Variants in ZXDC observed in about 807,000 individuals in gnomAD.
ZXDC encodes the protein ZXD family zinc finger C, also known as zinc finger protein ZXDC.
Under a neutral mutation model 63.6 loss-of-function variants are expected in ZXDC, and 58 were observed. That is an observed-to-expected ratio of 0.91 (90% confidence interval 0.74 to 1.13). ZXDC has a LOEUF of 1.13. ZXDC is among the 50% of genes most tolerant of loss of function. The probability of loss-of-function intolerance (pLI) is 0.00; values close to 1 mark genes in which losing one functional copy is unlikely to be tolerated. For synonymous variants in ZXDC, 561 were observed against 496.1 expected, an observed-to-expected ratio of 1.13 and a Z score of -1.74; for missense variants, 1,133 against 1,148.9, an observed-to-expected ratio of 0.99 and a Z score of 0.20.
intron 7 of ZXDC, among the ~76,000 whole-genome samples, chr3:126,456,768 ACCCCCAAG>A (rs763201827): frequency 3.9e-5 from 6 of 152,056 alleles, no homozygotes; most frequent in Non-Finnish European, 8.8e-5. Flanking sequence ...GGTCTTAGGG[ACCCCCAAG>A]CCCCACATAC....
intron 7 of ZXDC, chr3:126,454,930 G>A: frequency 2.0e-6 from 2 of 985,378 alleles, no homozygotes; most frequent in Non-Finnish European, 2.4e-6. Context: ...CAACACAATG[G>A]GAAGAGTCTT....
chr3:126,457,479 C>T (rs1012716826), intron 7 of ZXDC: 2 of 985,312 alleles, frequency 2.0e-6, no homozygotes, highest in African/African-American at 3.5e-5. Context: ...CTGACAGCAG[C>T]CTCACCCTCA....
intron 4 of ZXDC, among the ~76,000 whole-genome samples, chr3:126,467,698 C>T (rs369269655): frequency 6.6e-6 from 1 of 152,200 alleles, no homozygotes; most frequent in African/African-American, 2.4e-5. Flanking sequence ...GACAGTCCGA[C>T]GGCCCAGGAC....
At chr3:126,452,543 A>T in intron 7 of ZXDC, 1 of 985,440 alleles carries the variant, frequency 1.0e-6, no homozygotes, top group Non-Finnish European at 1.2e-6. Context: ...ATTTGTTGAG[A>T]GAATAATAAA....
chr3:126,447,899 G>A (rs1357770289), intron 7 of ZXDC, among the ~76,000 whole-genome samples: 5 of 152,196 alleles, frequency 3.3e-5, no homozygotes, highest in African/African-American at 4.8e-5. Flanking sequence ...TCACCTGCTG[G>A]AGGTGAGACA....
chr3:126,464,543 G>C (rs1365320907), intron 5 of ZXDC, among the ~76,000 whole-genome samples: 1 of 152,156 alleles, frequency 6.6e-6, no homozygotes, highest in Admixed American at 6.5e-5. Flanking sequence ...ATAAGTCATT[G>C]TCACACAGGA....
At chr3:126,441,441 G>A in intron 8 of ZXDC, 2 of 1,139,792 alleles carry the variant, frequency 1.8e-6, no homozygotes, top group Middle Eastern at 3.6e-4. Context: ...TCATCCTGCT[G>A]CAAAACAGCC....
chr3:126,452,293 T>G (rs1490875921), intron 7 of ZXDC: 4 of 985,344 alleles, frequency 4.1e-6, no homozygotes, highest in Non-Finnish European at 4.8e-6. Context: ...ACAATTGTCC[T>G]GGAACCTGCT....
chr3:126,460,226 TGGTACTGAATTCA>T lies in ZXDC; in HGVS notation c.2128-502_2128-490del, dbSNP rs919501438. 1.7e-4 allele frequency: 147 copies of T among 843,396 alleles called. 1 individual carries two copies. Among genetic ancestry groups the T allele is most frequent in the Non-Finnish European group, 2.0e-4 (143 of 700,260 alleles). The allele number at this position is 843,396 out of a possible 1,614,324, so 52.2% of individuals were successfully genotyped here. On this transcript the variant is annotated intron_variant, in intron 6 of 9. Transcript: ENST00000389709. ...AAGTCTTACACAAAAATAATAATGATGGTACTGAATTCAGGAACTTGCCTGAGGGAGTCAGACA... is the reference window on the plus strand; with the variant it reads ...AAGTCTTACACAAAAATAATAATGATGGAACTTGCCTGAGGGAGTCAGACA...
At chr3:126,458,519 T>C (rs906735172) in intron 7 of ZXDC, 1 of 919,826 alleles carries the variant, frequency 1.1e-6, no homozygotes, top group African/African-American at 1.8e-5. Flanking sequence ...ATTACAGGTA[T>C]GAGCCACCGC....
chr3:126,475,252 C>CGGCG lies in ZXDC; in HGVS notation c.613_614insCGCC (p.Arg205ProfsTer51). The stretch of plus-strand genomic sequence containing the variant: ...CTCCAGTGGGCACTTGAAGGGCCGC[C>CGGCG]GGCCCTGACCGCCGCCGTGCGTGAG... On this transcript the variant is annotated frameshift_variant, in exon 1 of 10. Transcript: ENST00000389709. LOFTEE classifies it high-confidence loss of function. The CGGCG allele has an allele frequency of 6.4e-7, 1 of 1,557,838 alleles. No homozygotes were observed. The highest frequency in any genetic ancestry group is 8.7e-7 in the Non-Finnish European group (1 of 1,150,942).
chr3:126,455,118 A>G (rs1351423662), intron 7 of ZXDC: 2 of 985,110 alleles, frequency 2.0e-6, no homozygotes, highest in African/African-American at 1.7e-5. Flanking sequence ...TAGTCTCTCA[A>G]TCACAAATGT....
rs776693580 is a variant in ZXDC, at chr3:126,461,421, C to T, written c.2127+114G>A. 153 of 1,443,118 alleles carry T rather than the reference C, an allele frequency of 1.1e-4. 1 individual carries two copies. Among genetic ancestry groups the T allele is most frequent in the Middle Eastern group, 1.8e-4 (1 of 5,466 alleles). The allele number at this position is 1,443,118 out of a possible 1,614,324, so 89.4% of individuals were successfully genotyped here. On this transcript the variant is annotated intron_variant, in intron 6 of 9. Transcript: ENST00000389709. Reference sequence around the variant, plus strand: ...GTTCCAGACTTGTAGTCCAGGGCTGCGTCCTTTTGTAAACCAGAAACGTCT... The same window carrying T: ...GTTCCAGACTTGTAGTCCAGGGCTGTGTCCTTTTGTAAACCAGAAACGTCT...
At chr3:126,464,520 G>C (rs1934678507) in intron 5 of ZXDC, among the ~76,000 whole-genome samples, 1 of 152,108 alleles carries the variant, frequency 6.6e-6, no homozygotes, top group African/African-American at 2.4e-5. Context: ...GCTGGCAGGG[G>C]GATGACACAC....
chr3:126,457,491 G>A (rs1229494145), intron 7 of ZXDC: 5 of 985,292 alleles, frequency 5.1e-6, no homozygotes, highest in African/African-American at 1.7e-5. Context: ...TCACCCTCAC[G>A]AGGACATTCT....
intron 1 of ZXDC, among the ~76,000 whole-genome samples, chr3:126,474,401 T>A (rs908878495): frequency 5.3e-5 from 8 of 152,200 alleles, no homozygotes; most frequent in African/African-American, 1.9e-4. Context: ...TCGGCCTCTG[T>A]CTCTTCATCT....
intron 7 of ZXDC, chr3:126,454,673 T>C (rs1276643346): frequency 1.0e-6 from 1 of 985,342 alleles, no homozygotes; most frequent in East Asian, 1.1e-4. Flanking sequence ...ACAATGTGTC[T>C]TGCTGCTGTC....
chr3:126,470,865 T>C (rs1306194339), intron 4 of ZXDC, 30 bp downstream of exon 4: 13 of 1,610,830 alleles, frequency 8.1e-6, no homozygotes, highest in African/African-American at 1.3e-5. Context: ...GCACTTAGTT[T>C]ACTGCTCAAA....
rs34131353 is a variant in ZXDC, at chr3:126,452,744, C to CTTT, written c.2212+6906_2212+6908dup. ...TAAGAGTCACCAATCTGCAGTTTTTCTTTTTTTTTTTTTTGAGACAAGGGT... is the reference window on the plus strand; with the variant it reads ...TAAGAGTCACCAATCTGCAGTTTTTCTTTTTTTTTTTTTTTTTGAGACAAGGGT... On this transcript the variant is annotated intron_variant, in intron 7 of 9. Transcript: ENST00000389709. Among the ~76,000 whole-genome samples the CTTT allele has an allele frequency of 2.1e-5, 3 of 143,218 alleles. No individual in the cohort carries two copies. The East Asian group carries it at 6.0e-4, about 29-fold the overall frequency. The allele number at this position is 143,218 out of a possible 152,430, so 94.0% of individuals were successfully genotyped here.
Sources: gnomAD v4.1 joint callset for allele counts (sites outside exome capture counted in the v4.1 genomes callset) on GRCh38, gnomAD v4.1.1 for gene constraint, MANE v1.5 for transcripts, NCBI Gene and HGNC (gene_info 2026-07-23, HGNC 2026-07-21) for gene names.